Variants in HCRTR1 observed in about 807,000 individuals in gnomAD.
The protein encoded by HCRTR1 is hypocretin receptor 1.
A neutral mutation model predicts 40.6 loss-of-function variants in HCRTR1; 28 were observed. The ratio of observed to expected loss-of-function variants is 0.69; its 90% CI spans 0.51 to 0.95. The LOEUF is 0.95. Among genes scored for constraint, HCRTR1 ranks in the 40% least tolerant of loss-of-function variants. The pLI, the probability that HCRTR1 is intolerant of heterozygous loss-of-function variation, is 0.00. For missense variants in HCRTR1, 482 were observed against 564.7 expected (o/e 0.85, Z 1.48); for synonymous variants, 209 against 230.0 (o/e 0.91, Z 0.83).
In HCRTR1 at chr1:31,626,689, C is replaced by CCCA; in HGVS notation, c.1088-101_1088-100insCCA. On this transcript the variant is annotated intron_variant, in intron 8 of 8. Transcript: ENST00000403528. The surrounding 1 kb of genome is among the most constrained non-coding windows in gnomAD (Gnocchi z 4.6). The stretch of plus-strand genomic sequence containing the variant: ...ATCCCTCCCTCCCTCCCCGCCCCCT[C>CCCA]ATAGGCAGCTTGGCTGGAGCTGCGT... The CCCA allele has an allele frequency of 1.4e-6, 2 of 1,389,276 alleles. No individual in the cohort carries two copies. The highest frequency in any genetic ancestry group is 1.9e-6 in the Non-Finnish European group (2 of 1,030,744). The allele number at this position is 1,389,276 out of a possible 1,614,324, so 86.1% of individuals were successfully genotyped here.
At chr1:31,618,593 C>T (rs1301308088) in intron 1 of HCRTR1, among the ~76,000 whole-genome samples, 163 bp from the exon 2 acceptor site, 1 of 152,182 alleles carries the variant, frequency 6.6e-6, no homozygotes, top group East Asian at 1.9e-4. Context: ...ATGGCTTCTC[C>T]TCCCAAATCT....
chr1:31,621,540 G>A lies in HCRTR1; in HGVS notation c.686G>A (p.Gly229Asp). Residue 229 changes from glycine to aspartate, a missense_variant, in exon 6 of 9, where the codon GGC becomes GAC. Transcript: ENST00000403528. ...ATTGTCACCTACCTGGCCCCACTGG[G>A]CCTCATGGCCATGGCCTATTTCCAG... ...FFIVTYLAPL[G>D]LMAMAYFQIF... 1 of 1,614,098 alleles carries A rather than the reference G, an allele frequency of 6.2e-7. No homozygotes were observed. The highest frequency in any genetic ancestry group is 8.5e-7 in the Non-Finnish European group (1 of 1,180,030).
At position 31,626,554 on chromosome 1, in the gene HCRTR1, G is replaced by C. The variant is rs1377866995; in HGVS notation, c.1088-236G>C. Among the ~76,000 whole-genome samples, 1 of 152,130 alleles carries C rather than the reference G, an allele frequency of 6.6e-6. No homozygotes were observed. ...GAGTCAGCCTCCGAGCCAGAGCACA[G>C]TCAAGGAATCAGATGGCAATTGCGT... On this transcript the variant is annotated intron_variant, in intron 8 of 8. Transcript: ENST00000403528. This position sits in a 1 kb window ranked among gnomAD's most constrained non-coding sequence, Gnocchi z 4.6.
In HCRTR1 at chr1:31,623,665, G is replaced by A; in HGVS notation, c.881G>A (p.Arg294Lys). 3 of 1,614,110 alleles carry A rather than the reference G, an allele frequency of 1.9e-6. No homozygotes were observed. ...GAAGTGAAGCAGATGCGTGCACGGA[G>A]GAAGACAGCCAAGATGCTGATGGTG... Reference protein sequence around the residue: ...LAEVKQMRARRKTAKMLMVVL... With the variant: ...LAEVKQMRARKKTAKMLMVVL... The change falls in exon 7 of 9, where the codon AGG becomes AAG. Residue 294 changes from arginine (R) to lysine (K), a missense_variant. Arg to Lys is a conservative substitution (Grantham distance 26). Transcript: ENST00000403528.
downstream of HCRTR1, among the ~76,000 whole-genome samples, chr1:31,629,437 G>A (rs1443098151): frequency 6.6e-6 from 1 of 152,088 alleles, no homozygotes; most frequent in Non-Finnish European, 1.5e-5. Flanking sequence ...GTGTAGACTG[G>A]GTATTATGCT....
intron 5 of HCRTR1, 73 bp downstream of exon 5, chr1:31,621,159 T>C: frequency 6.6e-7 from 1 of 1,520,082 alleles, no homozygotes; most frequent in Non-Finnish European, 8.8e-7. Context: ...AGGACAGGCA[T>C]CTAGCAGGGT....
intron 1 of HCRTR1, chr1:31,618,129 A>G (rs1639769562): frequency 6.6e-6 from 1 of 152,418 alleles, no homozygotes; most frequent in African/African-American, 2.4e-5. Context: ...TCAGTGGGGT[A>G]TGAAGGCGTC....
At chr1:31,622,731 C>T (rs1199552727) in intron 6 of HCRTR1, among the ~76,000 whole-genome samples, 1 of 152,190 alleles carries the variant, frequency 6.6e-6, no homozygotes, top group East Asian at 1.9e-4. Flanking sequence ...TCCAGGAGCC[C>T]AGAACCACCC....
chr1:31,633,131 C>T (rs188172132), downstream of HCRTR1: 1,657 of 1,600,512 alleles, frequency 1.0e-3, no homozygotes, highest in Admixed American at 1.6e-3. Flanking sequence ...TGCCCCAGCT[C>T]AGGCCCAAGG....
At chr1:31,633,088 C>T (rs1640157719), downstream of HCRTR1, 2 of 1,515,122 alleles carry the variant, frequency 1.3e-6, no homozygotes, top group Admixed American at 4.0e-5. Context: ...CACCCACCCA[C>T]CTACCCACCT....
downstream of HCRTR1, chr1:31,633,123 C>T (rs748405709): frequency 6.3e-7 from 1 of 1,592,336 alleles, no homozygotes; most frequent in Non-Finnish European, 8.6e-7. Flanking sequence ...GGTGGCTCTG[C>T]CCCAGCTCAG....
downstream of HCRTR1, chr1:31,633,305 G>T: frequency 6.2e-7 from 1 of 1,611,998 alleles, no homozygotes; most frequent in African/African-American, 1.3e-5. Flanking sequence ...CACATTGGGA[G>T]GGGCGCCACC....
intron 6 of HCRTR1, among the ~76,000 whole-genome samples, chr1:31,622,545 G>T (rs1000094998): frequency 1.3e-5 from 2 of 152,094 alleles, no homozygotes; most frequent in African/African-American, 4.8e-5. Context: ...GCAGGACACA[G>T]GCACGATCCT....
intron 7 of HCRTR1, among the ~76,000 whole-genome samples, chr1:31,624,711 CTA>C (rs1160965789): frequency 6.6e-6 from 1 of 152,180 alleles, no homozygotes; most frequent in Non-Finnish European, 1.5e-5. Flanking sequence ...TGGATGATGT[CTA>C]TGATTCATCA....
chr1:31,633,808 A>G (rs916764851), downstream of HCRTR1, among the ~76,000 whole-genome samples: 2 of 152,150 alleles, frequency 1.3e-5, no homozygotes, highest in Non-Finnish European at 2.9e-5. Context: ...ATAGAAAATT[A>G]GCCGGGCATG....
Position 31,627,022 on chromosome 1 carries a change from CT to C in HCRTR1, c.*43del, listed in dbSNP as rs1557580858. ...AGGCTCCGGCTCGGGGGATCTGCCC[CT>C]ACCCCTCATGGAAAGACAGCTGGAT... On this transcript the variant is annotated 3_prime_UTR_variant, in exon 9 of 9. Coordinates refer to ENST00000403528, the MANE Select transcript of HCRTR1 (RefSeq NM_001525.3). 1 of 1,575,364 alleles carries C rather than the reference CT, an allele frequency of 6.3e-7. No homozygotes were observed. The highest frequency in any genetic ancestry group is 2.3e-5 in the East Asian group (1 of 43,716).
intron 6 of HCRTR1, 145 bp downstream of exon 6, chr1:31,621,737 C>T (rs1003877579): frequency 3.7e-5 from 24 of 646,070 alleles, no homozygotes; most frequent in South Asian, 2.6e-4. Flanking sequence ...CCCAGAGACA[C>T]GTCAAACTCA....
Position 31,620,825 on chromosome 1 carries a change from T to C in HCRTR1, c.379-18T>C, listed in dbSNP as rs533524757. On this transcript the variant is annotated intron_variant, in intron 4 of 8. Transcript: ENST00000403528. ...GGGTGGCCCCCAAAATGACCGACGTTGTGTCCCCGTGGGGCAGGCTGTGTC... is the reference window on the plus strand; with the variant it reads ...GGGTGGCCCCCAAAATGACCGACGTCGTGTCCCCGTGGGGCAGGCTGTGTC... 37 of 1,608,770 alleles carry C rather than the reference T, an allele frequency of 2.3e-5. No individual in the cohort carries two copies. The East Asian group carries it at 7.6e-4, about 33-fold the overall frequency.
chr1:31,624,581 A>G (rs1464506600), intron 7 of HCRTR1, among the ~76,000 whole-genome samples: 1 of 152,102 alleles, frequency 6.6e-6, no homozygotes, highest in African/African-American at 2.4e-5. Context: ...CTGGGGAGAG[A>G]ATGCAGGCTA....
Sources: allele counts gnomAD v4.1 joint callset (sites outside exome capture counted in the v4.1 genomes callset), GRCh38; gene constraint gnomAD v4.1.1; non-coding constraint Gnocchi (gnomAD v3.1); transcripts MANE v1.5; gene names NCBI Gene and HGNC (gene_info 2026-07-23, HGNC 2026-07-21).